The following AGBL4 variants were observed in gnomAD, a reference collection of about 807,000 sequenced individuals.
The protein encoded by AGBL4 is AGBL carboxypeptidase 4, also known as cytosolic carboxypeptidase 6.
In AGBL4, 58 loss-of-function variants were observed where a neutral mutation model predicts 66.4. The ratio of observed to expected loss-of-function variants is 0.87; its 90% CI spans 0.71 to 1.09. AGBL4 has a LOEUF of 1.09. Among genes scored for constraint, AGBL4 ranks in the 50% least tolerant of loss-of-function variants. The pLI is 0.00. For synonymous variants in AGBL4, 234 were observed against 222.9 expected, an observed-to-expected ratio of 1.05 and a Z score of -0.44; for missense variants, 579 against 631.0, an observed-to-expected ratio of 0.92 and a Z score of 0.88.
chr1:48,560,199 T>C (rs1039389263), intron 11 of AGBL4, among the ~76,000 whole-genome samples: 2 of 152,346 alleles, frequency 1.3e-5, no homozygotes, highest in Admixed American at 1.3e-4. Flanking sequence ...GTTTCTTCAC[T>C]CAATCATTCA....
At chr1:48,733,102 G>C (rs1190364691) in intron 6 of AGBL4, among the ~76,000 whole-genome samples, 1 of 152,208 alleles carries the variant, frequency 6.6e-6, no homozygotes, top group Admixed American at 6.5e-5. Context: ...CACAGTGGGT[G>C]TAGCTCGTCT....
chr1:49,348,625 A>C (rs1050555598), intron 3 of AGBL4, among the ~76,000 whole-genome samples: 1 of 152,222 alleles, frequency 6.6e-6, no homozygotes, highest in Non-Finnish European at 1.5e-5. Context: ...CTCCAGAGGG[A>C]GGAGGACCGT....
chr1:49,080,790 A>G (rs1644796518), intron 4 of AGBL4, among the ~76,000 whole-genome samples: 1 of 152,224 alleles, frequency 6.6e-6, no homozygotes, highest in Non-Finnish European at 1.5e-5. Context: ...ACTTGAAACA[A>G]AAGATTCTCT....
chr1:49,459,722 T>A (rs1234947617), intron 3 of AGBL4, among the ~76,000 whole-genome samples: 1 of 151,656 alleles, frequency 6.6e-6, no homozygotes, highest in Non-Finnish European at 1.5e-5. Flanking sequence ...ATTGTTCTTG[T>A]TTCCCCAGTT....
chr1:48,553,151 G>T (rs1278458598), intron 11 of AGBL4, among the ~76,000 whole-genome samples: 2 of 152,076 alleles, frequency 1.3e-5, no homozygotes, highest in Non-Finnish European at 2.9e-5. Flanking sequence ...TTTCCCAGCA[G>T]TGCCTCCCTT....
chr1:48,621,497 G>GA (rs1325172014), intron 9 of AGBL4, among the ~76,000 whole-genome samples: 1 of 152,050 alleles, frequency 6.6e-6, no homozygotes, highest in Non-Finnish European at 1.5e-5. Context: ...TATACTTGTG[G>GA]AAAATTGTTG....
rs79672522 is a variant in AGBL4 at position 49,616,362 on chromosome 1, G to A, written c.282+80951C>T. The stretch of plus-strand genomic sequence containing the variant: ...TCTCCTTGAAACATTTTCTTCATTT[G>A]GTTTTACTATATTATACTGTTCTGG... On this transcript the variant is annotated intron_variant, in intron 3 of 13. Transcript: ENST00000371839. Among the ~76,000 whole-genome samples, 4 of 152,052 alleles carry A rather than the reference G, an allele frequency of 2.6e-5. No homozygotes were observed. In the East Asian group the frequency reaches 7.8e-4, roughly 30 times the overall value.
At chr1:49,826,086 A>G (rs536708089) in intron 2 of AGBL4, among the ~76,000 whole-genome samples, 2 of 152,330 alleles carry the variant, frequency 1.3e-5, no homozygotes, top group Non-Finnish European at 2.9e-5. Flanking sequence ...AATATTTTAA[A>G]ACTATTTTAA....
chr1:49,412,644 C>T (rs1645341032), intron 3 of AGBL4, among the ~76,000 whole-genome samples: 1 of 152,138 alleles, frequency 6.6e-6, no homozygotes, highest in Admixed American at 6.5e-5. Flanking sequence ...TTCCTGTACT[C>T]TCCACTGGCC....
Sources: allele counts gnomAD v4.1 joint callset (sites outside exome capture counted in the v4.1 genomes callset), GRCh38; gene constraint gnomAD v4.1.1; transcripts MANE v1.5; gene names NCBI Gene and HGNC (gene_info 2026-07-23, HGNC 2026-07-21).